Variants in MSH4 observed in about 807,000 individuals in gnomAD.
MSH4 encodes mutS protein homolog 4.
MSH4 carries 106 observed loss-of-function variants against 113.7 expected under a neutral mutation model. That is an observed-to-expected ratio of 0.93 (90% CI 0.80 to 1.10). MSH4 has a LOEUF of 1.10. MSH4 is among the 50% of genes least tolerant of loss of function. MSH4 has a pLI of 0.00. For synonymous variants in MSH4, 368 were observed against 380.2 expected, an observed-to-expected ratio of 0.97 and a Z score of 0.37; for missense variants, 1,061 against 1,093.7, an observed-to-expected ratio of 0.97 and a Z score of 0.42.
chr1:75,850,695 C>T (rs907916085), intron 8 of MSH4, among the ~76,000 whole-genome samples: 1 of 152,034 alleles, frequency 6.6e-6, no homozygotes, highest in African/African-American at 2.4e-5. Flanking sequence ...TTCAAATCTC[C>T]TATATCCTTA....
chr1:75,867,630 AT>A, intron 9 of MSH4, 42 bp downstream of exon 9: 2 of 1,307,940 alleles, frequency 1.5e-6, no homozygotes, highest in Non-Finnish European at 2.1e-6. Flanking sequence ...GTCCAGCATT[AT>A]TTTTTAACTT....
chr1:75,839,146 T>G (rs1650895965), intron 7 of MSH4, among the ~76,000 whole-genome samples: 1 of 152,214 alleles, frequency 6.6e-6, no homozygotes, highest in Non-Finnish European at 1.5e-5. Flanking sequence ...TTTTAAGTTT[T>G]TAAATTCCTT....
chr1:75,899,515 G>T, intron 18 of MSH4, 103 bp from the exon 19 acceptor site: 1 of 579,270 alleles, frequency 1.7e-6, no homozygotes, highest in Non-Finnish European at 2.9e-6. Context: ...GCCTCTAGAA[G>T]GGAAGTTTAA....
In MSH4 at chr1:75,804,006, T is replaced by C. The variant is rs1650001155; in HGVS notation, c.427+93T>C. ...GGGTTATTAAGTTCATTTGAATTTA[T>C]CTATAACTGATATGAATGAAAAATA... is the stretch of plus-strand genomic sequence containing the variant. On this transcript the variant is annotated intron_variant, in intron 2 of 19. Coordinates refer to ENST00000263187, the MANE Select transcript of MSH4 (RefSeq NM_002440.4). 5 of 837,000 alleles carry C rather than the reference T, an allele frequency of 6.0e-6. No individual in the cohort carries two copies. The South Asian group carries it at 2.0e-4, about 33-fold the overall frequency. 51.8% of individuals were successfully genotyped at this position (837,000 alleles called of 1,614,324 possible). A position where few individuals can be genotyped will look rare whatever the true frequency, so the allele number is the denominator to read the frequency against.
intron 13 of MSH4, among the ~76,000 whole-genome samples, chr1:75,880,947 T>C (rs372189765): frequency 6.6e-6 from 1 of 151,892 alleles, no homozygotes; most frequent in Admixed American, 6.6e-5. Context: ...CTATATCAAA[T>C]ATTCTTAATA....
chr1:75,845,153 C>T (rs577251171), intron 7 of MSH4, among the ~76,000 whole-genome samples: 5 of 152,352 alleles, frequency 3.3e-5, no homozygotes, highest in African/African-American at 9.6e-5. Context: ...GTTTCTAATG[C>T]ATGAACTTTG....
chr1:75,861,275 A>G (rs993849274), intron 8 of MSH4, among the ~76,000 whole-genome samples: 4 of 152,160 alleles, frequency 2.6e-5, no homozygotes, highest in African/African-American at 9.7e-5. Context: ...CAAGTCGTCA[A>G]ACTCATTCTG....
intron 15 of MSH4, among the ~76,000 whole-genome samples, chr1:75,886,655 G>T (rs1652125152): frequency 7.9e-6 from 1 of 126,244 alleles, no homozygotes; most frequent in South Asian, 2.4e-4. Flanking sequence ...TATAAATATA[G>T]AAATATATAC....
At chr1:75,874,849 A>C (rs1011079418) in intron 9 of MSH4, among the ~76,000 whole-genome samples, 5 of 152,206 alleles carry the variant, frequency 3.3e-5, no homozygotes, top group Admixed American at 3.3e-4. Context: ...GCATACTTTC[A>C]GAGTCTGTCA....
At chr1:75,863,107 C>CT (rs1651493122) in intron 8 of MSH4, among the ~76,000 whole-genome samples, 1 of 151,976 alleles carries the variant, frequency 6.6e-6, no homozygotes, top group Non-Finnish European at 1.5e-5. Flanking sequence ...TTTTGAATAA[C>CT]TTTTTTTCAA....
At chr1:75,885,059 G>GTGTGTATATATATATATATA (rs1300289205) in intron 15 of MSH4, among the ~76,000 whole-genome samples, 1 of 112,556 alleles carries the variant, frequency 8.9e-6, no homozygotes, top group African/African-American at 4.1e-5. Flanking sequence ...GTGTGTGTGT[G>GTGTGTATATATATATATATA]TATATATATA....
At chr1:75,870,641 A>G (rs1259611548) in intron 9 of MSH4, among the ~76,000 whole-genome samples, 1 of 152,162 alleles carries the variant, frequency 6.6e-6, no homozygotes, top group African/African-American at 2.4e-5. Flanking sequence ...GCCTGCTGCC[A>G]TGTAAAACAT....
chr1:75,823,778 C>T (rs1320052545), intron 7 of MSH4, among the ~76,000 whole-genome samples: 6 of 152,168 alleles, frequency 3.9e-5, no homozygotes, highest in Admixed American at 2.6e-4. Flanking sequence ...TTCCCAGCTT[C>T]ATCCATGTCC....
chr1:75,881,815 A>G (rs550351579), intron 14 of MSH4, among the ~76,000 whole-genome samples: 1 of 152,078 alleles, frequency 6.6e-6, no homozygotes, highest in Non-Finnish European at 1.5e-5. Context: ...ATTTATTTTT[A>G]TATCCCAAGT....
intron 19 of MSH4, among the ~76,000 whole-genome samples, chr1:75,904,121 A>G (rs190164206): frequency 1.7e-3 from 266 of 152,306 alleles, no homozygotes; most frequent in Non-Finnish European, 1.8e-3. Context: ...TATTGAAAAG[A>G]TCACATGGTT....
intron 15 of MSH4, among the ~76,000 whole-genome samples, chr1:75,885,084 G>T (rs12723434): frequency 0.054 from 5,978 of 110,790 alleles, 184 homozygotes; most frequent in African/African-American, 0.085. Flanking sequence ...TACCAGCCAG[G>T]AGGCTTCTGT....
chr1:75,908,426 G>A (rs1386278059), intron 19 of MSH4, among the ~76,000 whole-genome samples: 1 of 152,128 alleles, frequency 6.6e-6, no homozygotes, highest in Non-Finnish European at 1.5e-5. Context: ...GATTACAGGC[G>A]TGAGCCAATG....
intron 9 of MSH4, among the ~76,000 whole-genome samples, chr1:75,873,008 T>C (rs1651747077): frequency 6.6e-6 from 1 of 152,222 alleles, no homozygotes; most frequent in Non-Finnish European, 1.5e-5. Flanking sequence ...ACAACTATGC[T>C]GGGCTGTGCT....
At chr1:75,872,354 GA>G (rs1553137125) in intron 9 of MSH4, among the ~76,000 whole-genome samples, 1 of 152,088 alleles carries the variant, frequency 6.6e-6, no homozygotes, top group Non-Finnish European at 1.5e-5. Context: ...ACAAAACAAA[GA>G]AAATGTCAGA....
Sources: gnomAD v4.1 joint callset for allele counts (sites outside exome capture counted in the v4.1 genomes callset) on GRCh38, gnomAD v4.1.1 for gene constraint, MANE v1.5 for transcripts, NCBI Gene and HGNC (gene_info 2026-07-23, HGNC 2026-07-21) for gene names.